Variants in PEX5L observed in about 807,000 individuals in gnomAD.
PEX5L encodes peroxisomal biogenesis factor 5 like.
Under a neutral mutation model 84.0 loss-of-function variants are expected in PEX5L, and 30 were observed. The observed-to-expected ratio is 0.36, with a 90% CI of 0.27 to 0.48. The LOEUF is 0.48. PEX5L is among the 20% of genes least tolerant of loss of function. PEX5L has a pLI of 0.99. For synonymous variants in PEX5L, 270 were observed against 283.1 expected (o/e 0.95, Z 0.46); for missense variants, 533 against 754.6 (o/e 0.71, Z 3.44).
intron 14 of PEX5L, among the ~76,000 whole-genome samples, chr3:179,806,259 A>C (rs1721270203): frequency 6.6e-6 from 1 of 152,236 alleles, no homozygotes. Flanking sequence ...TAGGATACAA[A>C]ATAGACATCC....
intron 2 of PEX5L, among the ~76,000 whole-genome samples, chr3:179,954,785 AT>A (rs71182527): frequency 0.14 from 20,152 of 148,988 alleles, 1,696 homozygotes; most frequent in Non-Finnish European, 0.2. Context: ...GCTTTGTTTT[AT>A]TTTTTTTTTA....
intron 1 of PEX5L, among the ~76,000 whole-genome samples, chr3:179,994,849 C>T (rs1273674332): frequency 6.6e-6 from 1 of 152,052 alleles, no homozygotes; most frequent in Non-Finnish European, 1.5e-5. Context: ...CTACATCTTT[C>T]TCCCGTGCTG....
chr3:179,991,519 CT>C (rs1286779573), intron 1 of PEX5L, among the ~76,000 whole-genome samples: 5 of 152,014 alleles, frequency 3.3e-5, no homozygotes, highest in African/African-American at 1.2e-4. Context: ...TTTTTTCCCC[CT>C]CTACTCATCT....
At chr3:179,948,861 C>T (rs1778316213) in intron 2 of PEX5L, among the ~76,000 whole-genome samples, 1 of 152,232 alleles carries the variant, frequency 6.6e-6, no homozygotes, top group African/African-American at 2.4e-5. Context: ...ATTGTATGAA[C>T]TGGCAACTAA....
intron 1 of PEX5L, among the ~76,000 whole-genome samples, chr3:179,993,776 T>A (rs953956479): frequency 1.3e-5 from 2 of 152,174 alleles, no homozygotes; most frequent in Admixed American, 1.3e-4. Flanking sequence ...GTGCTGGAAT[T>A]ACAGGCATGA....
chr3:180,023,099 C>T (rs73180044), intron 1 of PEX5L, among the ~76,000 whole-genome samples: 4 of 152,262 alleles, frequency 2.6e-5, no homozygotes, highest in Non-Finnish European at 5.9e-5. Flanking sequence ...GCTATGCAGG[C>T]GCAAGCAATA....
At chr3:179,824,887 C>CT (rs1013705488) in intron 8 of PEX5L, among the ~76,000 whole-genome samples, 2 of 152,188 alleles carry the variant, frequency 1.3e-5, no homozygotes, top group Admixed American at 6.5e-5. Flanking sequence ...CCAACGGTAA[C>CT]TGAGTGTTTC....
intron 14 of PEX5L, among the ~76,000 whole-genome samples, chr3:179,802,550 A>AAAAAAAAAAAAAAAG (rs1553813985): frequency 3.0e-4 from 39 of 131,570 alleles, no homozygotes; most frequent in Middle Eastern, 4.1e-3. Flanking sequence ...AAAAAAAAAA[A>AAAAAAAAAAAAAAAG]AAAAGAAAAG....
intron 2 of PEX5L, among the ~76,000 whole-genome samples, chr3:179,909,410 G>A (rs2109173935): frequency 6.6e-6 from 1 of 152,280 alleles, no homozygotes; most frequent in Admixed American, 6.5e-5. Flanking sequence ...CAAATTAAGA[G>A]GAAGTCTGAG....
chr3:179,892,075 G>T (rs139987797), intron 3 of PEX5L, among the ~76,000 whole-genome samples: 334 of 152,164 alleles, frequency 2.2e-3, no homozygotes, highest in African/African-American at 7.9e-3. Context: ...TAACCCAAAG[G>T]TTTCTAATTT....
intron 2 of PEX5L, among the ~76,000 whole-genome samples, chr3:179,930,027 A>G (rs1772592028): frequency 1.3e-5 from 2 of 152,094 alleles, no homozygotes; most frequent in Admixed American, 6.5e-5. Context: ...TGTATTTTTC[A>G]AAGTGTGGTT....
chr3:179,865,526 T>C (rs906174282), intron 7 of PEX5L, among the ~76,000 whole-genome samples: 1 of 151,910 alleles, frequency 6.6e-6, no homozygotes, highest in African/African-American at 2.4e-5. Flanking sequence ...TTTTTTTTTT[T>C]CATCACAGGC....
At chr3:179,964,707 A>G (rs574729547) in intron 2 of PEX5L, among the ~76,000 whole-genome samples, 35 of 152,328 alleles carry the variant, frequency 2.3e-4, no homozygotes, top group African/African-American at 8.2e-4. Context: ...AATGCTCAAC[A>G]TCACTAATCA....
intron 1 of PEX5L, among the ~76,000 whole-genome samples, chr3:180,030,066 A>G (rs1277369455): frequency 4.6e-5 from 7 of 152,134 alleles, no homozygotes. Flanking sequence ...CAGTACTGGC[A>G]GGGCTCTGTC....
chr3:179,892,129 A>G (rs1220899486), intron 3 of PEX5L, among the ~76,000 whole-genome samples: 1 of 152,186 alleles, frequency 6.6e-6, no homozygotes. Context: ...TGGTCTAGTC[A>G]GATTATCATA....
intron 8 of PEX5L, among the ~76,000 whole-genome samples, chr3:179,821,233 A>G (rs187350508): frequency 1.7e-3 from 261 of 152,248 alleles, no homozygotes; most frequent in Non-Finnish European, 3.0e-3. Context: ...AAACCACTTT[A>G]TTTTCTTTAA....
At chr3:179,848,143 C>T (rs1257196935) in intron 8 of PEX5L, among the ~76,000 whole-genome samples, 4 of 152,062 alleles carry the variant, frequency 2.6e-5, no homozygotes, top group East Asian at 1.9e-4. Flanking sequence ...GTATTCAATG[C>T]TACAGAAAAT....
rs993002120 is a variant in PEX5L, at chr3:180,036,895, T to A, written c.-296A>T. On this transcript the variant is annotated 5_prime_UTR_variant, in exon 1 of 15. Coordinates refer to ENST00000467460, the MANE Select transcript of PEX5L (RefSeq NM_016559.3). ...GCGCGGGTCCTGCTCGCGGGGCGTC[T>A]CTAGAACTCACTCCTTCTTCGCCGA... is the stretch of plus-strand genomic sequence containing the variant. The A allele has an allele frequency of 2.0e-6, 1 of 488,358 alleles. No homozygotes were observed. Among genetic ancestry groups the A allele is most frequent in the African/African-American group, 1.9e-5 (1 of 51,842 alleles). 30.3% of individuals were successfully genotyped at this position (488,358 alleles called of 1,614,324 possible).
chr3:179,971,118 T>C (rs1162554742), intron 2 of PEX5L, among the ~76,000 whole-genome samples: 1 of 152,282 alleles, frequency 6.6e-6, no homozygotes, highest in East Asian at 1.9e-4. Context: ...CAGAATCATC[T>C]TTATATATAT....
Sources: allele counts gnomAD v4.1 joint callset (sites outside exome capture counted in the v4.1 genomes callset), GRCh38; gene constraint gnomAD v4.1.1; transcripts MANE v1.5; gene names NCBI Gene and HGNC (gene_info 2026-07-23, HGNC 2026-07-21).